CCDC180: variants seen among roughly 807,000 people sequenced by gnomAD.
The protein encoded by CCDC180 is coiled-coil domain-containing protein 180.
Under a neutral mutation model 209.2 loss-of-function variants are expected in CCDC180, and 154 were observed. The observed-to-expected ratio is 0.74, with a 90% CI of 0.65 to 0.84. The LOEUF (loss-of-function observed/expected upper bound fraction) is 0.84. Among genes scored for constraint, CCDC180 ranks in the 40% least tolerant of loss-of-function variants. The pLI, the probability that CCDC180 is intolerant of heterozygous loss-of-function variation, is 0.00. For synonymous variants in CCDC180, 778 were observed against 749.1 expected (o/e 1.04, Z -0.63); for missense variants, 1,874 against 1,997.3 (o/e 0.94, Z 1.18).
Position 97,362,401 on chromosome 9 carries a change from A to G in CCDC180, c.3862A>G (p.Lys1288Glu). ...TCGGTGCCAGCCAGAAAACTCTGGG[A>G]AGAAGGCTGTACCCAGTGCCAGTGC... ...RHRCQPENSG[K>E]KAVPSASATS... The change falls in exon 28 of 37, where the codon AAG (lysine) becomes GAG (glutamate). Residue 1288 changes from lysine (K) to glutamate (E), a missense_variant. Transcript: ENST00000529487. The G allele has an allele frequency of 1.2e-6, 2 of 1,614,110 alleles. No individual in the cohort carries two copies. Among genetic ancestry groups the G allele is most frequent in the African/African-American group, 2.7e-5 (2 of 75,030 alleles).
chr9:97,343,721 T>C, intron 19 of CCDC180, 158 bp downstream of exon 19: 1 of 629,810 alleles, frequency 1.6e-6, no homozygotes. Flanking sequence ...CAATAAAAAA[T>C]GGCAAAATCC....
chr9:97,367,751 G>T (rs1826968773), intron 31 of CCDC180, among the ~76,000 whole-genome samples: 1 of 152,144 alleles, frequency 6.6e-6, no homozygotes, highest in Non-Finnish European at 1.5e-5. Flanking sequence ...TGGGATTACA[G>T]ACATGAGCCA....
chr9:97,364,118 C>G lies in CCDC180; in HGVS notation c.3970C>G (p.Pro1324Ala), dbSNP rs1018226314. 6.2e-7 allele frequency: 1 copy of G among 1,614,094 alleles called. No individual in the cohort carries two copies. The highest frequency in any genetic ancestry group is 8.5e-7 in the Non-Finnish European group (1 of 1,180,022). Residue 1324 changes from proline to alanine, a missense_variant, in exon 29 of 37, where the codon CCT becomes GCT. Physicochemically the swap from Pro to Ala is conservative, Grantham distance 27 (BLOSUM62 -1). Coordinates refer to ENST00000529487, the MANE Select transcript of CCDC180 (RefSeq NM_020893.6). ...CCGGGTGCTTGGGGACAAGCCTCCCCCTGCTGCCGAGTGAGTAACAACGCC... is the reference window on the plus strand; with the variant it reads ...CCGGGTGCTTGGGGACAAGCCTCCCGCTGCTGCCGAGTGAGTAACAACGCC... The part of the protein sequence containing the change: ...KYRVLGDKPP[P>A]AAEDFKGIIL...
chr9:97,370,162 G>T, intron 32 of CCDC180, 80 bp downstream of exon 32: 1 of 1,477,552 alleles, frequency 6.8e-7, no homozygotes, highest in Non-Finnish European at 9.1e-7. Flanking sequence ...TTGTGGGCAG[G>T]GCCAAGTCCA....
chr9:97,329,834 C>T (rs1040610692), intron 16 of CCDC180, among the ~76,000 whole-genome samples: 33 of 151,932 alleles, frequency 2.2e-4, no homozygotes, highest in African/African-American at 7.3e-4. Flanking sequence ...TTTGGGAGGC[C>T]GAGGCGGGCG....
Position 97,314,688 on chromosome 9 carries a change from A to G in CCDC180, c.659A>G (p.Asp220Gly), listed in dbSNP as rs1452264521. 11 of 1,613,920 alleles carry G rather than the reference A, an allele frequency of 6.8e-6. No homozygotes were observed. The Admixed American group carries it at 1.8e-4, about 27-fold the overall frequency. The change falls in exon 7 of 37, where the codon GAT (aspartate) becomes GGT (glycine). Residue 220 changes from aspartate (D) to glycine (G), a missense_variant. Asp to Gly is a moderately conservative substitution (Grantham distance 94). Transcript: ENST00000529487. ...CGGAAGCAGGAGATTAAGGAGCTGG[A>G]TGAGGCCCTGCACTCGCTGGAGTTC... ...LLRKQEIKEL[D>G]EALHSLEFSR... is the part of the protein sequence containing the mutation.
In CCDC180 at chr9:97,314,922, C is replaced by T; in HGVS notation, c.771C>T (p.Tyr257=). ...KTSYLMRPEV[Y]RLINEEAMVM... is the part of the protein sequence containing the mutation. Reference sequence around the variant, plus strand: ...CCTACCTCATGCGGCCCGAAGTGTACAGGCTGATAAATGAAGAAGCCATGG... The same window carrying T: ...CCTACCTCATGCGGCCCGAAGTGTATAGGCTGATAAATGAAGAAGCCATGG... The change falls in exon 8 of 37, where the codon TAC becomes TAT. Residue 257 remains tyrosine, a synonymous_variant. Transcript: ENST00000529487. The T allele has an allele frequency of 6.2e-7, 1 of 1,613,894 alleles. No homozygotes were observed. Among genetic ancestry groups the T allele is most frequent in the Non-Finnish European group, 8.5e-7 (1 of 1,179,822 alleles).
At chr9:97,344,627 T>A (rs1280960210) in intron 19 of CCDC180, among the ~76,000 whole-genome samples, 2 of 152,206 alleles carry the variant, frequency 1.3e-5, no homozygotes, top group East Asian at 3.8e-4. Flanking sequence ...AGGAAGCAGT[T>A]TGATCCCAGA....
intron 25 of CCDC180, among the ~76,000 whole-genome samples, chr9:97,358,563 A>G (rs147635540): frequency 5.9e-5 from 9 of 152,174 alleles, no homozygotes; most frequent in Middle Eastern, 3.4e-3. Flanking sequence ...CTGGTTGTCT[A>G]TGTGCTGCTT....
chr9:97,340,954 T>C (rs563428489), intron 18 of CCDC180, among the ~76,000 whole-genome samples: 1 of 152,326 alleles, frequency 6.6e-6, no homozygotes, highest in South Asian at 2.1e-4. Flanking sequence ...TCTGCCTTCA[T>C]GTTCCATCCT....
At chr9:97,330,233 C>T (rs7026893) in intron 17 of CCDC180, 40 bp downstream of exon 17, 381,474 of 1,611,874 alleles carry the variant, frequency 0.24, 48,786 homozygotes, top group Middle Eastern at 0.32. Flanking sequence ...TCCCAGACTT[C>T]ACTCTTACGC....
At chr9:97,335,683 G>A (rs183189137) in intron 18 of CCDC180, among the ~76,000 whole-genome samples, 1 of 152,292 alleles carries the variant, frequency 6.6e-6, no homozygotes, top group East Asian at 1.9e-4. Context: ...AATCCTTTGA[G>A]TATATACCCA....
chr9:97,319,725 C>T (rs1833295275), intron 10 of CCDC180, among the ~76,000 whole-genome samples: 1 of 152,134 alleles, frequency 6.6e-6, no homozygotes, highest in Non-Finnish European at 1.5e-5. Flanking sequence ...TAGTTTTCTA[C>T]TGTTGATGTG....
chr9:97,364,617 C>G lies in CCDC180; in HGVS notation c.3980+489C>G, dbSNP rs578206890. ...AGAGATCCCCCCAGACAGCGGCCCC[C>G]TCTCATCAGCCCTCTCACCCTGGAG... On this transcript the variant is annotated intron_variant, in intron 29 of 36. Transcript: ENST00000529487. The G allele has an allele frequency of 1.5e-4, 24 of 164,570 alleles. 1 individual carries two copies. In the South Asian group the frequency reaches 3.6e-3, roughly 25 times the overall value. The allele number at this position is 164,570 out of a possible 1,614,324, so 10.2% of individuals were successfully genotyped here.
chr9:97,335,150 C>T (rs1300094575), intron 18 of CCDC180, among the ~76,000 whole-genome samples: 1 of 151,904 alleles, frequency 6.6e-6, no homozygotes, highest in Non-Finnish European at 1.5e-5. Context: ...CTATTAAAAA[C>T]TCTTTCCCAT....
Position 97,366,532 on chromosome 9 carries a change from C to T in CCDC180, c.4048-27C>T. Reference sequence around the variant, plus strand: ...GGGCCAGAGTCCCATGGAGTCCTCACCCGCACATGGTCACCCTCTCTGGCA... The same window carrying T: ...GGGCCAGAGTCCCATGGAGTCCTCATCCGCACATGGTCACCCTCTCTGGCA... On this transcript the variant is annotated intron_variant, in intron 30 of 36. Coordinates refer to ENST00000529487, the MANE Select transcript of CCDC180 (RefSeq NM_020893.6). The surrounding 1 kb of genome is among the most constrained non-coding windows in gnomAD (Gnocchi z 4.3). The T allele has an allele frequency of 6.2e-7, 1 of 1,610,912 alleles. No individual in the cohort carries two copies. The highest frequency in any genetic ancestry group is 2.2e-5 in the East Asian group (1 of 44,868).
chr9:97,316,979 C>T, intron 8 of CCDC180, 86 bp from the exon 9 acceptor site: 12 of 1,340,980 alleles, frequency 8.9e-6, no homozygotes, highest in Non-Finnish European at 1.0e-5. Context: ...CCTCTCCAGC[C>T]TCCCACTGCT....
At chr9:97,348,114 C>T (rs10981724) in intron 20 of CCDC180, among the ~76,000 whole-genome samples, 980 of 21,336 alleles carry the variant, frequency 0.046, 39 homozygotes, top group Admixed American at 0.3. Context: ...TCTGTTAATG[C>T]GGGGCGGGGG....
At chr9:97,359,072 C>T (rs1826676470) in intron 25 of CCDC180, among the ~76,000 whole-genome samples, 1 of 152,202 alleles carries the variant, frequency 6.6e-6, no homozygotes, top group Non-Finnish European at 1.5e-5. Flanking sequence ...TTCTACACAT[C>T]CACTGAGATT....
Sources: gnomAD v4.1 joint callset for allele counts (sites outside exome capture counted in the v4.1 genomes callset) on GRCh38, gnomAD v4.1.1 for gene constraint, Gnocchi (gnomAD v3.1) non-coding constraint, MANE v1.5 for transcripts, NCBI Gene and HGNC (gene_info 2026-07-23, HGNC 2026-07-21) for gene names.